KRTAP4-6: variants seen among roughly 807,000 people sequenced by gnomAD.
KRTAP4-6 encodes the protein keratin associated protein 4-6.
KRTAP4-6 carries 1 observed loss-of-function variant against 3.6 expected under a neutral mutation model. That is an observed-to-expected ratio of 0.28 (90% CI 0.10 to 1.32). The LOEUF (loss-of-function observed/expected upper bound fraction) is 1.32. Ranked by LOEUF, KRTAP4-6 falls within the 40% of genes most tolerant of loss-of-function variation. The pLI is 0.45. For missense variants in KRTAP4-6, 275 were observed against 280.3 expected, an observed-to-expected ratio of 0.98 and a Z score of 0.14; for synonymous variants, 97 against 96.7, an observed-to-expected ratio of 1.00 and a Z score of -0.02.
exon 1 of KRTAP4-6, chr17:41,140,269 G>C (rs201084737): frequency 1.0e-5 from 16 of 1,604,464 alleles, no homozygotes; most frequent in Non-Finnish European, 1.3e-5. Context: ...TCCTGCAGCA[G>C]GTGGTCTGAC....
chr17:41,139,701 G>A (rs2014662955), exon 1 of KRTAP4-6: 1 of 1,031,878 alleles, frequency 9.7e-7, no homozygotes. Flanking sequence ...GGTCAACATG[G>A]GGAACATATA....
chr17:41,139,733 A>G (rs1468207102), exon 1 of KRTAP4-6: 3 of 1,248,936 alleles, frequency 2.4e-6, no homozygotes, highest in Non-Finnish European at 3.3e-6. Context: ...TAGCCAGGAC[A>G]TATATCCTAG....
exon 1 of KRTAP4-6, chr17:41,139,606 G>T: frequency 1.7e-6 from 1 of 574,772 alleles, no homozygotes; most frequent in East Asian, 3.1e-5. Flanking sequence ...AGAAGAACTT[G>T]GTATCCATAA....
exon 1 of KRTAP4-6, chr17:41,140,468 C>T: frequency 6.2e-7 from 1 of 1,613,382 alleles, no homozygotes. Flanking sequence ...GCAGACGGAA[C>T]CACAACAGGA....
In KRTAP4-6 at chr17:41,139,558, G is replaced by T. The variant is rs182717656; in HGVS notation, c.*312C>A. On this transcript the variant is annotated 3_prime_UTR_variant, in exon 1 of 1. Transcript: ENST00000345847. ...TCAAATCTGAGAGTGAGACAACCTT[G>T]CCCCGAGTTACCCTGCAAGAATTTC... 10 of 438,250 alleles carry T rather than the reference G, an allele frequency of 2.3e-5. No homozygotes were observed. In the East Asian group the frequency reaches 3.5e-4, roughly 15 times the overall value. 27.1% of individuals were successfully genotyped at this position (438,250 alleles called of 1,614,324 possible).
chr17:41,140,241 T>C, exon 1 of KRTAP4-6: 1 of 1,586,840 alleles, frequency 6.3e-7, no homozygotes, highest in Non-Finnish European at 8.6e-7. Flanking sequence ...ACACAGCAGC[T>C]AGGGCGGCAG....
chr17:41,140,269 G>A lies in KRTAP4-6; in HGVS notation c.219C>T (p.Thr73=), dbSNP rs201084737. ...GGCGGCAGCAGGTGGTCCTGCAGCA[G>A]GTGGTCTGACAGCAGCTGGGACAGC... The change falls in exon 1 of 1, where the codon ACC becomes ACT. Residue 73 remains threonine, a synonymous_variant. Coordinates refer to ENST00000345847, the Ensembl canonical transcript of KRTAP4-6. 3,393 of 1,604,462 alleles carry A rather than the reference G, an allele frequency of 2.1e-3. 10 individuals carry two copies. The highest frequency in any genetic ancestry group is 2.5e-3 in the Non-Finnish European group (2,937 of 1,177,478).
chr17:41,140,129 C>G (rs749443399), exon 1 of KRTAP4-6: 7 of 1,451,098 alleles, frequency 4.8e-6, no homozygotes, highest in African/African-American at 1.4e-5. Flanking sequence ...CCTGGACACA[C>G]AGCAGCTGGG....
chr17:41,140,247 G>T (rs752942868), exon 1 of KRTAP4-6: 15 of 1,589,468 alleles, frequency 9.4e-6, no homozygotes, highest in Non-Finnish European at 1.2e-5. Flanking sequence ...CAGCTAGGGC[G>T]GCAGCAGGTG....
exon 1 of KRTAP4-6, chr17:41,139,510 T>C: frequency 3.2e-6 from 1 of 313,880 alleles, no homozygotes; most frequent in East Asian, 6.0e-5. Context: ...TAAAAGGAAA[T>C]ACAGGGTGAA....
chr17:41,140,505 G>A (rs1045828418), upstream of KRTAP4-6: 3 of 1,596,342 alleles, frequency 1.9e-6, no homozygotes, highest in African/African-American at 2.7e-5. Flanking sequence ...GAGGGTAAAG[G>A]TTCTGGGTGG....
upstream of KRTAP4-6, chr17:41,140,541 G>T (rs74821181): frequency 3.2e-6 from 5 of 1,555,626 alleles, no homozygotes; most frequent in Non-Finnish European, 1.7e-6. Flanking sequence ...AGTTTCGTGA[G>T]TTTGGGAGTC....
chr17:41,139,800 T>C, exon 1 of KRTAP4-6: 2 of 1,518,636 alleles, frequency 1.3e-6, no homozygotes, highest in Admixed American at 2.0e-5. Flanking sequence ...CTGAGTTGTT[T>C]ATGAGATGCA....
At position 41,140,066 on chromosome 17, in the gene KRTAP4-6, CG is replaced by C; in HGVS notation, c.421del (p.Arg141ValfsTer70). On this transcript the variant is annotated frameshift_variant, in exon 1 of 1. Coordinates refer to ENST00000345847, the Ensembl canonical transcript of KRTAP4-6. LOFTEE classifies it high-confidence loss of function. Reference sequence around the variant, plus strand: ...GCAGCTGGAGATGCAGCAGCTGGGACGGCAGCAGGTTGGCTGGCAGCACACA... The same window carrying C: ...GCAGCTGGAGATGCAGCAGCTGGGACGCAGCAGGTTGGCTGGCAGCACACA... The C allele has an allele frequency of 1.2e-6, 2 of 1,602,092 alleles. No individual in the cohort carries two copies. Among genetic ancestry groups the C allele is most frequent in the Middle Eastern group, 1.7e-4 (1 of 5,910 alleles).
rs1256527760 is a variant in KRTAP4-6 at position 41,139,930 on chromosome 17, G to A, written c.558C>T (p.Arg186=). Residue 186 remains arginine, a synonymous_variant, in exon 1 of 1, where the codon CGC becomes CGT. Transcript: ENST00000345847. The stretch of plus-strand genomic sequence containing the variant: ...GGCAGGTGGAAATGACACAGGTTGG[G>A]CGATAGCAAGTGGTGTGGCAGGAGA... 1.9e-6 allele frequency: 3 copies of A among 1,605,084 alleles called. No homozygotes were observed. The East Asian group carries it at 6.7e-5, about 36-fold the overall frequency.
At chr17:41,139,976 A>C in exon 1 of KRTAP4-6, 1 of 1,610,022 alleles carries the variant, frequency 6.2e-7, no homozygotes, top group Non-Finnish European at 8.5e-7. Flanking sequence ...GACTGGACGC[A>C]GGCAGCAGCA....
At chr17:41,140,176 G>A (rs753069187) in exon 1 of KRTAP4-6, 1 of 1,483,398 alleles carries the variant, frequency 6.7e-7, no homozygotes, top group Non-Finnish European at 9.1e-7. Flanking sequence ...TGGGACGGCA[G>A]CAAGTGGGCT....
chr17:41,140,228 G>A (rs2014676378), exon 1 of KRTAP4-6: 1 of 1,595,724 alleles, frequency 6.3e-7, no homozygotes, highest in Non-Finnish European at 8.6e-7. Context: ...GCAGCAGCTG[G>A]ATACACAGCA....
chr17:41,139,752 C>A (rs866519912), exon 1 of KRTAP4-6: 6 of 1,403,062 alleles, frequency 4.3e-6, no homozygotes, highest in Middle Eastern at 2.4e-4. Context: ...AGATATATGT[C>A]CAGGATATGG....
Sources: gnomAD v4.1 joint callset for allele counts on GRCh38, gnomAD v4.1.1 for gene constraint, MANE v1.5 for transcripts, NCBI Gene and HGNC (gene_info 2026-07-23, HGNC 2026-07-21) for gene names.